The following CATSPERD variants were observed in gnomAD, a reference collection of about 807,000 sequenced individuals.
CATSPERD encodes cation channel sperm-associated auxiliary subunit delta.
CATSPERD carries 86 observed loss-of-function variants against 98.1 expected under a neutral mutation model. That is an observed-to-expected ratio of 0.88 (90% CI 0.74 to 1.05). The LOEUF (loss-of-function observed/expected upper bound fraction) is 1.05, where lower values mean the gene tolerates loss of function less well. Ranked by LOEUF, CATSPERD falls within the 50% of genes least tolerant of loss-of-function variation. The pLI is 0.00. For missense variants in CATSPERD, 995 were observed against 1,005.7 expected (o/e 0.99, Z 0.14); for synonymous variants, 394 against 390.2 (o/e 1.01, Z -0.12).
At chr19:5,742,823 A>T (rs1223436909) in intron 7 of CATSPERD, among the ~76,000 whole-genome samples, 1 of 151,976 alleles carries the variant, frequency 6.6e-6, no homozygotes, top group Non-Finnish European at 1.5e-5. Flanking sequence ...GGTTGGAGTG[A>T]TGGAGCAGGA....
At chr19:5,755,457 T>G (rs2145799766) in intron 13 of CATSPERD, among the ~76,000 whole-genome samples, 1 of 152,234 alleles carries the variant, frequency 6.6e-6, no homozygotes, top group Middle Eastern at 3.4e-3. Context: ...TGTTTTTCAC[T>G]ATTAGTATAG....
intron 1 of CATSPERD, among the ~76,000 whole-genome samples, chr19:5,722,848 T>C (rs1028410342): frequency 2.0e-5 from 3 of 152,020 alleles, no homozygotes; most frequent in Non-Finnish European, 4.4e-5. Flanking sequence ...GAATACCTTG[T>C]TGCAGGACTT....
intron 12 of CATSPERD, among the ~76,000 whole-genome samples, chr19:5,752,927 C>T (rs1037545306): frequency 5.5e-4 from 84 of 151,508 alleles, no homozygotes; most frequent in African/African-American, 1.9e-3. Context: ...ACTCAGGAGG[C>T]TGAGGCAGGA....
chr19:5,775,512 G>A (rs1298245539), intron 20 of CATSPERD, among the ~76,000 whole-genome samples: 1 of 151,068 alleles, frequency 6.6e-6, no homozygotes, highest in Admixed American at 6.6e-5. Context: ...TGCTGGCCAC[G>A]GTGGCGGGCA....
chr19:5,737,546 C>CAA (rs35730088), intron 6 of CATSPERD, among the ~76,000 whole-genome samples: 15 of 69,398 alleles, frequency 2.2e-4, no homozygotes, highest in African/African-American at 5.8e-4. Flanking sequence ...AAGACTCTGT[C>CAA]AAAAAAAAAA....
intron 1 of CATSPERD, among the ~76,000 whole-genome samples, chr19:5,722,399 G>T (rs905208085): frequency 2.0e-5 from 3 of 152,186 alleles, no homozygotes; most frequent in African/African-American, 7.2e-5. Context: ...GGGCTTACAG[G>T]CGTGTGCCAC....
chr19:5,749,033 C>A, intron 10 of CATSPERD, 68 bp from the exon 11 acceptor site: 1 of 1,394,668 alleles, frequency 7.2e-7, no homozygotes, highest in Non-Finnish European at 1.0e-6. Flanking sequence ...CCCAACCACA[C>A]TTATGTTTTT....
rs1343050873 is a variant in CATSPERD at position 5,778,308 on chromosome 19, G to A, written c.2097-68G>A. The stretch of plus-strand genomic sequence containing the variant: ...CCCTCCTGTGGGTCTGAACACCTTT[G>A]CCAGAGATAAGGCGAAGTCCCCCAA... On this transcript the variant is annotated intron_variant, in intron 21 of 21. Transcript: ENST00000381624. The A allele has an allele frequency of 1.1e-5, 16 of 1,445,542 alleles. No individual in the cohort carries two copies. In the South Asian group the frequency reaches 1.4e-4, roughly 13 times the overall value. 89.5% of individuals were successfully genotyped at this position (1,445,542 alleles called of 1,614,324 possible).
rs201961049 is a variant in CATSPERD at position 5,744,524 on chromosome 19, G to A, written c.657+14G>A. 1.1e-5 allele frequency: 18 copies of A among 1,602,970 alleles called. No homozygotes were observed. Among genetic ancestry groups the A allele is most frequent in the East Asian group, 2.2e-5 (1 of 44,678 alleles). On this transcript the variant is annotated intron_variant, in intron 8 of 21. Coordinates refer to ENST00000381624, the MANE Select transcript of CATSPERD (RefSeq NM_152784.4). ...AATCAAGGGAAGGTAAGTAACTGCA[G>A]AGGGAAGAACTACTCAGAGGACCTT...
chr19:5,772,516 C>T lies in CATSPERD; in HGVS notation c.1764-272C>T, dbSNP rs75296851. 2.0e-3 allele frequency: 783 copies of T among 394,440 alleles called. 3 individuals are homozygous for T. Among genetic ancestry groups the T allele is most frequent in the African/African-American group, 0.016 (743 of 47,822 alleles). 24.4% of individuals were successfully genotyped at this position (394,440 alleles called of 1,614,324 possible). On this transcript the variant is annotated intron_variant, in intron 19 of 21. Coordinates refer to ENST00000381624, the MANE Select transcript of CATSPERD (RefSeq NM_152784.4). The stretch of plus-strand genomic sequence containing the variant: ...TGCTGAGATTACGGGCGTGAGCCGC[C>T]GCGCCTAGCTCCGAGCAGACTTTTC...
chr19:5,772,801 A>C lies in CATSPERD; in HGVS notation c.1777A>C (p.Ser593Arg), dbSNP rs2056674066. The C allele has an allele frequency of 1.2e-6, 2 of 1,613,632 alleles. No homozygotes were observed. Among genetic ancestry groups the C allele is most frequent in the Admixed American group, 3.3e-5 (2 of 59,944 alleles). Residue 593 changes from serine (S) to arginine (R), a missense_variant, in exon 20 of 22, where the codon AGT (serine) becomes CGT (arginine). Ser to Arg is a moderately radical substitution (Grantham distance 110, BLOSUM62 -1). Around this residue, in one of 3 missense-constraint regions of CATSPERD, gnomAD observed 762 missense variants for 773.7 expected, o/e 0.98. Transcript: ENST00000381624. ...CCTGTGTCCTAGGTGGCGAAAAGACAGTTTCCAGGAGGTCATCGACGCCGA... is the reference window on the plus strand; with the variant it reads ...CCTGTGTCCTAGGTGGCGAAAAGACCGTTTCCAGGAGGTCATCGACGCCGA... The part of the protein sequence containing the change: ...KPVVELWRKD[S>R]FQEVIDAEYV...
chr19:5,750,182 C>A (rs568491307), intron 11 of CATSPERD, among the ~76,000 whole-genome samples: 2 of 150,268 alleles, frequency 1.3e-5, no homozygotes, highest in East Asian at 2.0e-4. Flanking sequence ...GGCGTGGTGG[C>A]TCACGCCTGT....
chr19:5,759,271 C>G (rs1362855384), intron 15 of CATSPERD, 127 bp downstream of exon 15: 13 of 906,382 alleles, frequency 1.4e-5, no homozygotes, highest in Non-Finnish European at 2.0e-5. Flanking sequence ...GATTACAACA[C>G]TTTACAAGAG....
intron 5 of CATSPERD, 138 bp from the exon 6 acceptor site, chr19:5,737,000 T>G (rs1300242841): frequency 1.0e-5 from 5 of 502,128 alleles, no homozygotes; most frequent in Non-Finnish European, 1.8e-5. Context: ...GAGCTTGCAG[T>G]GAGCCAGGAT....
At chr19:5,736,395 A>G (rs1027496316) in intron 5 of CATSPERD, among the ~76,000 whole-genome samples, 1 of 152,118 alleles carries the variant, frequency 6.6e-6, no homozygotes, top group Non-Finnish European at 1.5e-5. Flanking sequence ...AAATTTCAGT[A>G]GTGTTGAGGC....
In CATSPERD at chr19:5,776,299, G is replaced by A. The variant is rs200950189; in HGVS notation, c.2080G>A (p.Val694Met). 3 of 1,614,020 alleles carry A rather than the reference G, an allele frequency of 1.9e-6. No homozygotes were observed. Among genetic ancestry groups the A allele is most frequent in the South Asian group, 1.1e-5 (1 of 91,086 alleles). ...NGFYVFYISI[V>M]DPYYSYCQLE... ...CTTTTATGTCTTCTACATTTCGATC[G>A]TGGATCCGTACTACAGGTGAGTGGG... The change falls in exon 21 of 22, where the codon GTG (valine) becomes ATG (methionine). Residue 694 changes from valine (V) to methionine (M), a missense_variant. Around this residue, in one of 3 missense-constraint regions of CATSPERD, gnomAD observed 762 missense variants for 773.7 expected, o/e 0.98. Coordinates refer to ENST00000381624, the MANE Select transcript of CATSPERD (RefSeq NM_152784.4).
chr19:5,765,401 G>T (rs1451692613), intron 16 of CATSPERD, among the ~76,000 whole-genome samples: 1 of 139,406 alleles, frequency 7.2e-6, no homozygotes, highest in Admixed American at 7.1e-5. Context: ...CTAGGCCATT[G>T]ATTTATTCAT....
At chr19:5,768,345 TTA>T (rs1491053503) in intron 18 of CATSPERD, 103 bp downstream of exon 18, 18 of 670,800 alleles carry the variant, frequency 2.7e-5, no homozygotes, top group African/African-American at 1.0e-4. Context: ...TATTTATTTA[TTA>T]TTATTATTGA....
intron 7 of CATSPERD, among the ~76,000 whole-genome samples, chr19:5,740,480 G>A (rs536263465): frequency 7.0e-4 from 106 of 151,862 alleles, no homozygotes; most frequent in Non-Finnish European, 1.1e-3. Flanking sequence ...CCAGCTACCC[G>A]GGAGGCTGAG....
Sources: allele counts gnomAD v4.1 joint callset (sites outside exome capture counted in the v4.1 genomes callset), GRCh38; gene constraint gnomAD v4.1.1; regional missense constraint gnomAD v4.1.1; transcripts MANE v1.5; gene names NCBI Gene and HGNC (gene_info 2026-07-23, HGNC 2026-07-21).